Variants in STAB2 observed in about 807,000 individuals in gnomAD.
The protein encoded by STAB2 is stabilin-2.
A neutral mutation model predicts 338.1 loss-of-function variants in STAB2; 288 were observed. That is an observed-to-expected ratio of 0.85 (90% confidence interval 0.77 to 0.94). The LOEUF (loss-of-function observed/expected upper bound fraction) is 0.94, where lower values mean the gene tolerates loss of function less well. Ranked by LOEUF, STAB2 falls within the 40% of genes least tolerant of loss-of-function variation. The probability of loss-of-function intolerance (pLI) is 0.00; values close to 1 mark genes in which losing one functional copy is unlikely to be tolerated. For synonymous variants in STAB2, 1,202 were observed against 1,193.3 expected (o/e 1.01, Z -0.15); for missense variants, 3,141 against 3,210.1 (o/e 0.98, Z 0.52).
At chr12:103,766,263 C>T (rs541326731) in intron 68 of STAB2, 23 bp from the exon 69 acceptor site, 6 of 1,614,004 alleles carry the variant, frequency 3.7e-6, no homozygotes, top group Middle Eastern at 1.6e-4. Context: ...TGCCCTGCCC[C>T]CTTACAACCC....
chr12:103,674,159 T>C, intron 23 of STAB2, 72 bp downstream of exon 23: 2 of 1,520,544 alleles, frequency 1.3e-6, no homozygotes, highest in Non-Finnish European at 1.8e-6. Flanking sequence ...TTAATGACGC[T>C]GTGTTACCTG....
intron 57 of STAB2, among the ~76,000 whole-genome samples, chr12:103,745,872 C>CAT (rs1489239683): frequency 6.6e-6 from 1 of 152,340 alleles, no homozygotes; most frequent in East Asian, 1.9e-4. Context: ...TAATCATTGC[C>CAT]ATAGCTCGAT....
intron 3 of STAB2, among the ~76,000 whole-genome samples, chr12:103,601,691 C>G (rs971167397): frequency 1.3e-5 from 2 of 152,290 alleles, no homozygotes; most frequent in Admixed American, 1.3e-4. Context: ...GAAGAAATGC[C>G]TCCTGAACAT....
chr12:103,587,785 C>T (rs1956734937), intron 1 of STAB2, among the ~76,000 whole-genome samples: 1 of 152,236 alleles, frequency 6.6e-6, no homozygotes, highest in Non-Finnish European at 1.5e-5. Context: ...GTTGGGACCT[C>T]TAATCTTAGT....
intron 41 of STAB2, 132 bp from the exon 42 acceptor site, chr12:103,713,511 A>C: frequency 6.1e-6 from 8 of 1,310,226 alleles, no homozygotes; most frequent in East Asian, 2.4e-5. Flanking sequence ...GTTTTTGGGA[A>C]TTGGCCATAT....
chr12:103,608,996 T>C (rs988813868), intron 3 of STAB2, among the ~76,000 whole-genome samples: 1 of 152,234 alleles, frequency 6.6e-6, no homozygotes, highest in Non-Finnish European at 1.5e-5. Context: ...CAGATAGTTG[T>C]AGATGTGTGG....
At chr12:103,705,977 G>T (rs960112716) in intron 37 of STAB2, among the ~76,000 whole-genome samples, 3 of 152,164 alleles carry the variant, frequency 2.0e-5, no homozygotes, top group Non-Finnish European at 4.4e-5. Flanking sequence ...AGTCCGAGAG[G>T]CTAATGGGAC....
intron 22 of STAB2, among the ~76,000 whole-genome samples, chr12:103,673,551 G>A (rs1182156194): frequency 1.3e-5 from 2 of 151,956 alleles, no homozygotes; most frequent in East Asian, 3.9e-4. Flanking sequence ...GTTTCACCAT[G>A]TTGCCCAGGC....
rs1879064659 is a variant in STAB2, at chr12:103,703,281, G to A, written c.3843+5G>A. The A allele has an allele frequency of 1.2e-6, 2 of 1,611,342 alleles. No homozygotes were observed. The highest frequency in any genetic ancestry group is 8.5e-7 in the Non-Finnish European group (1 of 1,179,902). On this transcript the variant is annotated splice_donor_5th_base_variant and intron_variant, in intron 35 of 68. Coordinates refer to ENST00000388887, the MANE Select transcript of STAB2 (RefSeq NM_017564.10). ...AATGACACTACTATTATACGAGTAA[G>A]TTCTATGGGCCAGAGCCAGTGATGG... is the stretch of plus-strand genomic sequence containing the variant.
chr12:103,649,833 G>A (rs915132003), intron 10 of STAB2, among the ~76,000 whole-genome samples: 23 of 152,200 alleles, frequency 1.5e-4, no homozygotes, highest in Admixed American at 7.8e-4. Flanking sequence ...AGACAGGGGG[G>A]AGGTAGTGTT....
intron 61 of STAB2, 39 bp from the exon 62 acceptor site, chr12:103,755,263 A>G: frequency 1.2e-6 from 2 of 1,604,574 alleles, no homozygotes; most frequent in Non-Finnish European, 1.7e-6. Context: ...CAACACATGA[A>G]CTTGCAGCTG....
At chr12:103,740,815 G>T (rs943592455) in intron 55 of STAB2, 59 bp downstream of exon 55, 12 of 1,508,448 alleles carry the variant, frequency 8.0e-6, no homozygotes, top group Non-Finnish European at 9.7e-6. Flanking sequence ...CCTGCTCGTT[G>T]TCCAGTCTTT....
chr12:103,663,196 G>A (rs978768278), intron 18 of STAB2, among the ~76,000 whole-genome samples, 198 bp downstream of exon 18: 3 of 152,172 alleles, frequency 2.0e-5, no homozygotes, highest in Non-Finnish European at 4.4e-5. Context: ...GTTCCTTGGG[G>A]AATTTCCGCA....
In STAB2 at chr12:103,688,224, C is replaced by T. The variant is rs376820743; in HGVS notation, c.3045+9C>T. 8.1e-6 allele frequency: 13 copies of T among 1,612,248 alleles called. No homozygotes were observed. The highest frequency in any genetic ancestry group is 1.3e-5 in the African/African-American group (1 of 74,848). On this transcript the variant is annotated intron_variant, in intron 28 of 68. Transcript: ENST00000388887. ...TTAACCGATGGATAAATGTGAGTAC[C>T]TTTATTGGGACTTAGGATTGGGAAT...
chr12:103,646,083 G>A lies in STAB2; in HGVS notation c.1041-2607G>A, dbSNP rs543600116. ...AGCTACTCAGGAGGCTGAGGCAGGA[G>A]AATCACTTGGATCCAGGAGGCAGAG... On this transcript the variant is annotated intron_variant, in intron 9 of 68. Coordinates refer to ENST00000388887, the MANE Select transcript of STAB2 (RefSeq NM_017564.10). Among the ~76,000 whole-genome samples, 19 of 152,330 alleles carry A rather than the reference G, an allele frequency of 1.2e-4. No homozygotes were observed. The South Asian group carries it at 2.1e-3, about 17-fold the overall frequency.
chr12:103,680,333 T>C (rs1876785891), intron 25 of STAB2, among the ~76,000 whole-genome samples: 2 of 152,086 alleles, frequency 1.3e-5, no homozygotes, highest in Admixed American at 1.3e-4. Flanking sequence ...AAAAAACTGG[T>C]TTAAAAAGAA....
intron 61 of STAB2, among the ~76,000 whole-genome samples, chr12:103,753,836 C>T (rs1292265322): frequency 4.6e-5 from 7 of 152,108 alleles, no homozygotes; most frequent in Admixed American, 2.0e-4. Context: ...TGGATCTCCC[C>T]GAACCCACAA....
chr12:103,736,282 C>T (rs1338496638), intron 52 of STAB2, among the ~76,000 whole-genome samples: 1 of 152,154 alleles, frequency 6.6e-6, no homozygotes, highest in Non-Finnish European at 1.5e-5. Flanking sequence ...CTCCAGGCAC[C>T]ATGTCTACTT....
rs1309817554 is a variant in STAB2, at chr12:103,713,627, G to A, written c.4412-16G>A. The A allele has an allele frequency of 6.2e-7, 1 of 1,611,434 alleles. No individual in the cohort carries two copies. The highest frequency in any genetic ancestry group is 1.1e-5 in the South Asian group (1 of 91,010). Reference sequence around the variant, plus strand: ...GCCCTTCCCTCTCCCCTTCTGCTCTGTGTCATCTTCTATAGCAATCAATGC... The same window carrying A: ...GCCCTTCCCTCTCCCCTTCTGCTCTATGTCATCTTCTATAGCAATCAATGC... On this transcript the variant is annotated splice_polypyrimidine_tract_variant and intron_variant, in intron 41 of 68. Coordinates refer to ENST00000388887, the MANE Select transcript of STAB2 (RefSeq NM_017564.10).
Sources: allele counts gnomAD v4.1 joint callset (sites outside exome capture counted in the v4.1 genomes callset), GRCh38; gene constraint gnomAD v4.1.1; transcripts MANE v1.5; gene names NCBI Gene and HGNC (gene_info 2026-07-23, HGNC 2026-07-21).